The following DNAJC6 variants were observed in gnomAD, a reference collection of about 807,000 sequenced individuals.
DNAJC6 encodes DnaJ heat shock protein family (Hsp40) member C6.
Under a neutral mutation model 110.0 loss-of-function variants are expected in DNAJC6, and 34 were observed. The observed-to-expected ratio is 0.31, with a 90% CI of 0.24 to 0.41. DNAJC6 has a LOEUF of 0.41. DNAJC6 is among the 10% of genes least tolerant of loss of function. The probability of loss-of-function intolerance (pLI) is 1.00; values close to 1 mark genes in which losing one functional copy is unlikely to be tolerated. For missense variants in DNAJC6, 1,031 were observed against 1,207.8 expected, an observed-to-expected ratio of 0.85 and a Z score of 2.17; for synonymous variants, 406 against 437.2, an observed-to-expected ratio of 0.93 and a Z score of 0.89.
chr1:65,384,914 A>G (rs190668176), intron 6 of DNAJC6, among the ~76,000 whole-genome samples: 7 of 152,362 alleles, frequency 4.6e-5, no homozygotes, highest in East Asian at 1.9e-4. Context: ...AGGAAACTTT[A>G]AAGAATACTT....
intron 1 of DNAJC6, among the ~76,000 whole-genome samples, chr1:65,324,639 G>A (rs1416564018): frequency 7.2e-5 from 11 of 152,304 alleles, no homozygotes; most frequent in South Asian, 2.1e-4. Flanking sequence ...GATTACAGGC[G>A]TGAGCCACTG....
intron 1 of DNAJC6, among the ~76,000 whole-genome samples, chr1:65,324,103 G>A (rs749388569): frequency 6.6e-6 from 1 of 152,152 alleles, no homozygotes; most frequent in Non-Finnish European, 1.5e-5. Context: ...TCTCTCTTCA[G>A]TTTACAAGGC....
chr1:65,312,480 T>C (rs1205966083), intron 1 of DNAJC6, among the ~76,000 whole-genome samples: 7 of 152,270 alleles, frequency 4.6e-5, no homozygotes, highest in Non-Finnish European at 1.0e-4. Context: ...CATGGATCAT[T>C]TCTAAAGTGG....
chr1:65,331,870 G>C (rs1044858635), intron 1 of DNAJC6, among the ~76,000 whole-genome samples: 1 of 152,178 alleles, frequency 6.6e-6, no homozygotes, highest in Non-Finnish European at 1.5e-5. Context: ...GGAAACTGAG[G>C]CACAGAGCTA....
At chr1:65,399,891 T>G (rs36067635) in intron 14 of DNAJC6, among the ~76,000 whole-genome samples, 3 of 151,814 alleles carry the variant, frequency 2.0e-5, no homozygotes, top group Non-Finnish European at 4.4e-5. Context: ...ATTTAAAAAT[T>G]TTTTTTGGCT....
In DNAJC6 at chr1:65,328,599, C is replaced by G. The variant is rs191718452; in HGVS notation, c.193+18661C>G. ...GGTTCCTGAATCACAGTCAAGGTAC[C>G]AAACAGTTCCAACACCATAAGGAAC... is the stretch of plus-strand genomic sequence containing the variant. On this transcript the variant is annotated intron_variant, in intron 1 of 18. Transcript: ENST00000371069. 1.5e-3 allele frequency among the ~76,000 whole-genome samples: 223 copies of G among 152,276 alleles called. 3 individuals are homozygous for G. The Middle Eastern group carries it at 0.031, about 21-fold the overall frequency.
Position 65,264,853 on chromosome 1 carries a change from G to A in DNAJC6, c.-210G>A, listed in dbSNP as rs1653262513. On this transcript the variant is annotated 5_prime_UTR_variant, in exon 1 of 20. Coordinates refer to the DNAJC6 transcript ENST00000263441. ...ACTGTGAATGACAAATCAAAAGTCAGGGTTGCAGAATCAGCCGGACTTTCC... is the reference window on the plus strand; with the variant it reads ...ACTGTGAATGACAAATCAAAAGTCAAGGTTGCAGAATCAGCCGGACTTTCC... The A allele has an allele frequency of 1.9e-5, 31 of 1,609,258 alleles. No homozygotes were observed. The South Asian group carries it at 3.4e-4, about 18-fold the overall frequency.
chr1:65,380,045 T>C (rs1418412898), intron 5 of DNAJC6, among the ~76,000 whole-genome samples: 1 of 152,246 alleles, frequency 6.6e-6, no homozygotes, highest in Non-Finnish European at 1.5e-5. Flanking sequence ...AACTCTTGCC[T>C]GTCCTTTACA....
intron 1 of DNAJC6, among the ~76,000 whole-genome samples, chr1:65,292,357 C>A (rs1173641022): frequency 6.8e-6 from 1 of 147,384 alleles, no homozygotes; most frequent in Non-Finnish European, 1.5e-5. Flanking sequence ...ATGAATATTA[C>A]GCTTTTCATT....
chr1:65,398,205 GTTTAT>G (rs1270250036), intron 13 of DNAJC6, among the ~76,000 whole-genome samples: 1 of 152,118 alleles, frequency 6.6e-6, no homozygotes, highest in African/African-American at 2.4e-5. Context: ...GCTGTAATGA[GTTTAT>G]TTTGAGTACC....
chr1:65,292,110 A>C (rs1298300925), intron 1 of DNAJC6, among the ~76,000 whole-genome samples: 1 of 152,028 alleles, frequency 6.6e-6, no homozygotes, highest in Admixed American at 6.5e-5. Flanking sequence ...TCTGCCTCCC[A>C]GGTTCAAGGA....
At chr1:65,268,295 A>AAGAC (rs1287936983) in intron 1 of DNAJC6, among the ~76,000 whole-genome samples, 2 of 152,224 alleles carry the variant, frequency 1.3e-5, no homozygotes, top group South Asian at 2.1e-4. Flanking sequence ...TTAAATACAA[A>AAGAC]AGACATTGTG....
upstream of DNAJC6, among the ~76,000 whole-genome samples, chr1:65,309,329 C>T (rs1475796463): frequency 1.3e-5 from 2 of 151,452 alleles, no homozygotes; most frequent in Non-Finnish European, 2.9e-5. Context: ...CTTTCCTTCC[C>T]TCCCCGCGGG....
At chr1:65,345,709 C>T in intron 1 of DNAJC6, 2 of 982,260 alleles carry the variant, frequency 2.0e-6, no homozygotes, top group Middle Eastern at 5.3e-4. Context: ...GAACCAACCT[C>T]CTACTACCCA....
intron 11 of DNAJC6, among the ~76,000 whole-genome samples, chr1:65,392,113 G>A (rs899857217): frequency 1.3e-5 from 2 of 152,110 alleles, no homozygotes; most frequent in Non-Finnish European, 2.9e-5. Flanking sequence ...TGCTGAGGAG[G>A]AAACCAAGGC....
At chr1:65,276,038 T>C (rs1411008836) in intron 1 of DNAJC6, among the ~76,000 whole-genome samples, 1 of 152,010 alleles carries the variant, frequency 6.6e-6, no homozygotes, top group Non-Finnish European at 1.5e-5. Flanking sequence ...TGTACCACTA[T>C]GCCTGGCTAA....
At position 65,325,691 on chromosome 1, in the gene DNAJC6, C is replaced by T. The variant is rs79019767; in HGVS notation, c.193+15753C>T. ...AGCCAGACTCTGAGTATATAAAATA[C>T]AGATATGCATAGCTTAATATAGCCA... On this transcript the variant is annotated intron_variant, in intron 1 of 18. Transcript: ENST00000371069. Among the ~76,000 whole-genome samples, 30 of 152,324 alleles carry T rather than the reference C, an allele frequency of 2.0e-4. 1 individual carries two copies. In the East Asian group the frequency reaches 5.8e-3, roughly 29 times the overall value.
At chr1:65,326,342 A>T (rs1005862238) in intron 1 of DNAJC6, among the ~76,000 whole-genome samples, 1 of 152,232 alleles carries the variant, frequency 6.6e-6, no homozygotes, top group Non-Finnish European at 1.5e-5. Flanking sequence ...AGGGTGCTCT[A>T]TGAGGGAGTT....
intron 4 of DNAJC6, among the ~76,000 whole-genome samples, chr1:65,368,721 T>TCTTCTTCTTCTC (rs1553144305): frequency 2.2e-4 from 24 of 110,360 alleles, no homozygotes; most frequent in South Asian, 7.6e-4. Flanking sequence ...TTCTTCCTCT[T>TCTTCTTCTTCTC]CTTCTTCTTC....
Sources: gnomAD v4.1 joint callset for allele counts (sites outside exome capture counted in the v4.1 genomes callset) on GRCh38, gnomAD v4.1.1 for gene constraint, MANE v1.5 for transcripts, NCBI Gene and HGNC (gene_info 2026-07-23, HGNC 2026-07-21) for gene names.